Variants in SLC44A1 observed in about 807,000 individuals in gnomAD.
SLC44A1 encodes the protein choline transporter-like protein 1.
In SLC44A1, 26 loss-of-function variants were observed where a neutral mutation model predicts 79.3. That is an observed-to-expected ratio of 0.33 (90% CI 0.24 to 0.46). The LOEUF (loss-of-function observed/expected upper bound fraction) is 0.46. Ranked by LOEUF, SLC44A1 falls within the 20% of genes least tolerant of loss-of-function variation. SLC44A1 has a pLI of 1.00. For synonymous variants in SLC44A1, 263 were observed against 286.2 expected, an observed-to-expected ratio of 0.92 and a Z score of 0.82; for missense variants, 688 against 798.1, an observed-to-expected ratio of 0.86 and a Z score of 1.66.
intron 15 of SLC44A1, among the ~76,000 whole-genome samples, chr9:105,417,951 A>G (rs957848047): frequency 2.0e-5 from 3 of 150,064 alleles, no homozygotes; most frequent in African/African-American, 7.6e-5. Flanking sequence ...CAGGAGTTTG[A>G]GGCTACAGTG....
chr9:105,347,916 A>G (rs1827289972), intron 4 of SLC44A1, among the ~76,000 whole-genome samples: 7 of 152,092 alleles, frequency 4.6e-5, no homozygotes. Flanking sequence ...CAGGCTTTGT[A>G]GTGAAAGAGA....
At chr9:105,430,372 G>A (rs1315260072) in intron 15 of SLC44A1, among the ~76,000 whole-genome samples, 1 of 152,054 alleles carries the variant, frequency 6.6e-6, no homozygotes, top group Non-Finnish European at 1.5e-5. Flanking sequence ...AGACCACCAC[G>A]TGACTCTAGA....
At chr9:105,329,218 A>G (rs1369020515) in intron 3 of SLC44A1, among the ~76,000 whole-genome samples, 2 of 152,206 alleles carry the variant, frequency 1.3e-5, no homozygotes, top group Non-Finnish European at 2.9e-5. Context: ...AATTGATATG[A>G]GGTAATAATT....
At chr9:105,278,611 C>T (rs868146615) in intron 1 of SLC44A1, among the ~76,000 whole-genome samples, 11 of 152,024 alleles carry the variant, frequency 7.2e-5, no homozygotes, top group Middle Eastern at 3.4e-3. Flanking sequence ...GAACTCCTGA[C>T]CTCAAATGAT....
At chr9:105,253,712 G>GCCCA (rs1348473952) in intron 1 of SLC44A1, among the ~76,000 whole-genome samples, 1 of 152,114 alleles carries the variant, frequency 6.6e-6, no homozygotes, top group Non-Finnish European at 1.5e-5. Context: ...GGCCTGGGTG[G>GCCCA]CAGAGCCAGA....
At chr9:105,247,463 A>G (rs1829484374) in intron 1 of SLC44A1, among the ~76,000 whole-genome samples, 1 of 151,986 alleles carries the variant, frequency 6.6e-6, no homozygotes, top group Admixed American at 6.6e-5. Flanking sequence ...TCATCTGGCT[A>G]ATTTTGTATT....
intron 1 of SLC44A1, among the ~76,000 whole-genome samples, chr9:105,282,782 G>A (rs541393871): frequency 1.3e-5 from 2 of 152,024 alleles, no homozygotes; most frequent in Non-Finnish European, 1.5e-5. Flanking sequence ...CTCTGACCTC[G>A]TGATCCACCC....
chr9:105,285,970 A>G (rs577436367), intron 1 of SLC44A1, among the ~76,000 whole-genome samples: 63 of 152,276 alleles, frequency 4.1e-4, no homozygotes, highest in African/African-American at 1.5e-3. Context: ...ACATGGTGGC[A>G]TGTGCCCGTG....
chr9:105,245,928 C>T (rs73508594), intron 1 of SLC44A1, among the ~76,000 whole-genome samples: 9 of 152,240 alleles, frequency 5.9e-5, no homozygotes, highest in African/African-American at 2.2e-4. Flanking sequence ...AGTGGATTAG[C>T]GAGTGTATTT....
At chr9:105,332,364 C>T (rs539098337) in intron 3 of SLC44A1, among the ~76,000 whole-genome samples, 2 of 152,180 alleles carry the variant, frequency 1.3e-5, no homozygotes, top group East Asian at 3.9e-4. Context: ...AAGCGATCTG[C>T]CCACCTTGGC....
intron 3 of SLC44A1, among the ~76,000 whole-genome samples, chr9:105,329,425 C>T (rs1588788114): frequency 6.6e-6 from 1 of 152,150 alleles, no homozygotes; most frequent in Admixed American, 6.5e-5. Context: ...GCCAGCAGAT[C>T]TAGTATCTGC....
intron 1 of SLC44A1, among the ~76,000 whole-genome samples, chr9:105,298,896 C>G (rs557102497): frequency 7.2e-5 from 11 of 152,254 alleles, no homozygotes; most frequent in African/African-American, 2.6e-4. Flanking sequence ...CCTTATGACA[C>G]TCACAGTCTG....
Position 105,396,061 on chromosome 9 carries a change from T to G in SLC44A1, c.*7005T>G. 1 of 985,418 alleles carries G rather than the reference T, an allele frequency of 1.0e-6. No individual in the cohort carries two copies. The highest frequency in any genetic ancestry group is 1.2e-6 in the Non-Finnish European group (1 of 829,944). The allele number at this position is 985,418 out of a possible 1,614,324, so 61.0% of individuals were successfully genotyped here. ...CTCAGAACTTGGTTTTTGGCCCCTA[T>G]TGTTTTTGCCTATTTTGATTTTCAG... is the stretch of plus-strand genomic sequence containing the variant. On this transcript the variant is annotated 3_prime_UTR_variant, in exon 16 of 16. Coordinates refer to ENST00000374720, the MANE Select transcript of SLC44A1 (RefSeq NM_080546.5).
Position 105,361,622 on chromosome 9 carries a change from G to A in SLC44A1, c.900+292G>A, listed in dbSNP as rs531322625. Among the ~76,000 whole-genome samples, 5 of 152,258 alleles carry A rather than the reference G, an allele frequency of 3.3e-5. No individual in the cohort carries two copies. The South Asian group carries it at 8.3e-4, about 25-fold the overall frequency. On this transcript the variant is annotated intron_variant, in intron 8 of 15. Coordinates refer to ENST00000374720, the MANE Select transcript of SLC44A1 (RefSeq NM_080546.5). ...AAGAACATATTTCTTATTGTCATAAGATAATTACTTTTTAAAAATGGTTCC... is the reference window on the plus strand; with the variant it reads ...AAGAACATATTTCTTATTGTCATAAAATAATTACTTTTTAAAAATGGTTCC...
At chr9:105,420,861 C>CA (rs34053627) in intron 15 of SLC44A1, among the ~76,000 whole-genome samples, 1,710 of 12,334 alleles carry the variant, frequency 0.14, 252 homozygotes, top group Non-Finnish European at 0.17. Context: ...AACTCCATCT[C>CA]AAAAAAAAAA....
At chr9:105,311,706 G>A (rs188533670) in intron 3 of SLC44A1, among the ~76,000 whole-genome samples, 5 of 152,274 alleles carry the variant, frequency 3.3e-5, no homozygotes, top group Admixed American at 6.5e-5. Flanking sequence ...ATGTACGCAT[G>A]TTTAAAATTT....
intron 1 of SLC44A1, among the ~76,000 whole-genome samples, chr9:105,282,147 T>C (rs1341377358): frequency 1.3e-5 from 2 of 152,210 alleles, no homozygotes; most frequent in Non-Finnish European, 2.9e-5. Context: ...GATGTCTTAA[T>C]GACTCATTGG....
Position 105,304,969 on chromosome 9 carries a change from T to G in SLC44A1, c.127-4755T>G, listed in dbSNP as rs1331958856. Among the ~76,000 whole-genome samples, 220 of 113,804 alleles carry G rather than the reference T, an allele frequency of 1.9e-3. 3 individuals are homozygous for G. The highest frequency in any genetic ancestry group is 3.9e-3 in the Middle Eastern group (1 of 258). 74.7% of individuals were successfully genotyped at this position (113,804 alleles called of 152,430 possible). On this transcript the variant is annotated intron_variant, in intron 2 of 15. Transcript: ENST00000374720. ...GTTTTTTTTTTTTTTTTTTTTTTTT[T>G]TTTTTTTTTTTTTTTTTCAGAGTCA...
At chr9:105,297,763 GGA>G (rs1240657802) in intron 1 of SLC44A1, among the ~76,000 whole-genome samples, 1 of 152,160 alleles carries the variant, frequency 6.6e-6, no homozygotes, top group Non-Finnish European at 1.5e-5. Context: ...GGTTTTAGAG[GGA>G]GAGAGAACTA....
Sources: gnomAD v4.1 joint callset for allele counts (sites outside exome capture counted in the v4.1 genomes callset) on GRCh38, gnomAD v4.1.1 for gene constraint, MANE v1.5 for transcripts, NCBI Gene and HGNC (gene_info 2026-07-23, HGNC 2026-07-21) for gene names.